Variants in ACOXL observed in about 807,000 individuals in gnomAD.
ACOXL encodes the protein acyl-CoA oxidase like.
A neutral mutation model predicts 71.9 loss-of-function variants in ACOXL; 70 were observed. That is an observed-to-expected ratio of 0.97 (90% CI 0.80 to 1.19). The LOEUF (loss-of-function observed/expected upper bound fraction) is 1.19. ACOXL is among the 50% of genes most tolerant of loss of function. The probability of loss-of-function intolerance (pLI) is 0.00; values close to 1 mark genes in which losing one functional copy is unlikely to be tolerated. For synonymous variants in ACOXL, 253 were observed against 281.6 expected, an observed-to-expected ratio of 0.90 and a Z score of 1.02; for missense variants, 703 against 736.3, an observed-to-expected ratio of 0.95 and a Z score of 0.52.
intron 10 of ACOXL, among the ~76,000 whole-genome samples, chr2:110,885,606 T>A (rs1284939877): frequency 6.6e-6 from 1 of 152,198 alleles, no homozygotes; most frequent in Non-Finnish European, 1.5e-5. Context: ...TTTTGCAAAT[T>A]CGACTCCACG....
chr2:110,861,370 A>C (rs1693935749), intron 10 of ACOXL, among the ~76,000 whole-genome samples: 1 of 151,920 alleles, frequency 6.6e-6, no homozygotes, highest in Admixed American at 6.6e-5. Context: ...AGTACTAAAA[A>C]CCCAAACCAC....
At position 110,799,064 on chromosome 2, in the gene ACOXL, C is replaced by T. The variant is rs756379652; in HGVS notation, c.511C>T (p.Pro171Ser). The stretch of plus-strand genomic sequence containing the variant: ...CCGGGATGAAAACGGAAGCTTGTAC[C>T]CAGGAGTCACAGCTATTGATATGAT... ...PVRDENGSLY[P>S]GVTAIDMMYK... Residue 171 changes from proline (P) to serine (S), a missense_variant, in exon 7 of 18, where the codon CCA (proline) becomes TCA (serine). Coordinates refer to ENST00000439055, the MANE Select transcript of ACOXL (RefSeq NM_001142807.4). 6.2e-7 allele frequency: 1 copy of T among 1,613,758 alleles called. No homozygotes were observed. Among genetic ancestry groups the T allele is most frequent in the Non-Finnish European group, 8.5e-7 (1 of 1,179,878 alleles).
chr2:110,965,366 G>T (rs1006780022), intron 12 of ACOXL, among the ~76,000 whole-genome samples: 3 of 152,030 alleles, frequency 2.0e-5, no homozygotes, highest in African/African-American at 4.8e-5. Flanking sequence ...TGGATCGTAG[G>T]GTAGTTCTAT....
intron 16 of ACOXL, among the ~76,000 whole-genome samples, chr2:111,057,185 G>C (rs2066582254): frequency 6.6e-6 from 1 of 152,200 alleles, no homozygotes; most frequent in South Asian, 2.1e-4. Context: ...TTAACCAACT[G>C]TGTGGGTTCC....
At chr2:110,833,792 T>G (rs1448112183) in intron 9 of ACOXL, among the ~76,000 whole-genome samples, 1 of 152,196 alleles carries the variant, frequency 6.6e-6, no homozygotes, top group African/African-American at 2.4e-5. Flanking sequence ...TTTGTGAATT[T>G]TTGGAGGGTA....
At chr2:110,966,482 G>A (rs2061935615) in intron 12 of ACOXL, among the ~76,000 whole-genome samples, 1 of 152,200 alleles carries the variant, frequency 6.6e-6, no homozygotes, top group African/African-American at 2.4e-5. Context: ...AGGAGCTGAA[G>A]CTCTATACCC....
At chr2:111,109,610 G>A (rs745879463) in intron 17 of ACOXL, among the ~76,000 whole-genome samples, 35 of 149,662 alleles carry the variant, frequency 2.3e-4, no homozygotes, top group Admixed American at 1.1e-3. Flanking sequence ...TCTTTCTTAG[G>A]AGTTACATTT....
chr2:110,782,748 C>T (rs902974454), intron 2 of ACOXL, among the ~76,000 whole-genome samples: 20 of 152,084 alleles, frequency 1.3e-4, no homozygotes, highest in African/African-American at 4.4e-4. Flanking sequence ...TGACAGTGTT[C>T]GTGAAGAGAA....
intron 16 of ACOXL, among the ~76,000 whole-genome samples, chr2:111,080,538 C>A (rs1427793469): frequency 1.3e-5 from 2 of 152,030 alleles, no homozygotes; most frequent in African/African-American, 4.8e-5. Context: ...AATAGCCTAT[C>A]AACCAAAAAA....
intron 3 of ACOXL, among the ~76,000 whole-genome samples, chr2:110,790,315 T>G (rs546591858): frequency 6.6e-6 from 1 of 152,134 alleles, no homozygotes; most frequent in African/African-American, 2.4e-5. Context: ...CTCCTTTTAG[T>G]CTTTATTTAG....
intron 14 of ACOXL, 139 bp from the exon 15 acceptor site, chr2:111,031,488 G>A (rs536867269): frequency 1.6e-4 from 108 of 687,398 alleles, no homozygotes; most frequent in African/African-American, 1.4e-3. Context: ...GGTCACAGAG[G>A]CCAGCCTACA....
chr2:110,846,637 A>ACACG (rs1217725667), intron 10 of ACOXL, among the ~76,000 whole-genome samples: 3 of 114,740 alleles, frequency 2.6e-5, no homozygotes, highest in African/African-American at 9.1e-5. Context: ...AAGTATGCAT[A>ACACG]CACGCACACA....
rs1015687904 is a variant in ACOXL, at chr2:111,054,376, C to A, written c.1440+5088C>A. Among the ~76,000 whole-genome samples, 9 of 152,290 alleles carry A rather than the reference C, an allele frequency of 5.9e-5. No individual in the cohort carries two copies. In the East Asian group the frequency reaches 1.5e-3, roughly 26 times the overall value. On this transcript the variant is annotated intron_variant, in intron 16 of 17. Transcript: ENST00000439055. The stretch of plus-strand genomic sequence containing the variant: ...GCTGCTGGTGGTGCAACAGATGATA[C>A]CTTGATCTAAGCAGACATGTAGAAC...
chr2:110,735,609 A>G (rs1676737920), intron 1 of ACOXL, among the ~76,000 whole-genome samples: 2 of 152,232 alleles, frequency 1.3e-5, no homozygotes, highest in South Asian at 2.1e-4. Flanking sequence ...ATGTAGGCAC[A>G]GCCCAGGTTC....
chr2:110,806,573 C>T (rs936375990), intron 9 of ACOXL, among the ~76,000 whole-genome samples: 5 of 152,188 alleles, frequency 3.3e-5, no homozygotes, highest in African/African-American at 4.8e-5. Context: ...AAAAGCCAGA[C>T]GAGCCTAGGA....
At chr2:111,031,360 C>A (rs1415836061) in intron 14 of ACOXL, among the ~76,000 whole-genome samples, 1 of 152,204 alleles carries the variant, frequency 6.6e-6, no homozygotes, top group Non-Finnish European at 1.5e-5. Flanking sequence ...TGCCTGCATT[C>A]TCCCCTTCAC....
intron 17 of ACOXL, among the ~76,000 whole-genome samples, chr2:111,112,043 A>G (rs773084993): frequency 1.2e-4 from 18 of 152,230 alleles, no homozygotes; most frequent in Non-Finnish European, 2.4e-4. Context: ...GAGGGTAAAC[A>G]AAAGTGATTT....
In ACOXL at chr2:111,092,960, G is replaced by GA; in HGVS notation, c.1538dup (p.Asn513LysfsTer13). The GA allele has an allele frequency of 6.8e-6, 11 of 1,613,882 alleles. No homozygotes were observed. Among genetic ancestry groups the GA allele is most frequent in the Non-Finnish European group, 8.5e-6 (10 of 1,179,860 alleles). ...CTCCCATGGCCAGCACGAGGATCAG[G>GA]AATCAGGTAAGGTCCCTGGGGTACA... On this transcript the variant is annotated frameshift_variant, in exon 17 of 18. Transcript: ENST00000439055. LOFTEE classifies it low-confidence loss of function (END_TRUNC).
At chr2:110,948,902 T>C (rs2061221927) in intron 12 of ACOXL, among the ~76,000 whole-genome samples, 1 of 151,704 alleles carries the variant, frequency 6.6e-6, no homozygotes, top group Admixed American at 6.6e-5. Context: ...AGAGTTACTA[T>C]TCATTGGAAT....
Sources: allele counts gnomAD v4.1 joint callset (sites outside exome capture counted in the v4.1 genomes callset), GRCh38; gene constraint gnomAD v4.1.1; transcripts MANE v1.5; gene names NCBI Gene and HGNC (gene_info 2026-07-23, HGNC 2026-07-21).